The following TEK variants were observed in gnomAD, a reference collection of about 807,000 sequenced individuals.
TEK encodes angiopoietin-1 receptor.
TEK carries 43 observed loss-of-function variants against 131.8 expected under a neutral mutation model. That is an observed-to-expected ratio of 0.33 (90% CI 0.26 to 0.42). The LOEUF is 0.42. TEK is among the 10% of genes least tolerant of loss of function. The pLI is 1.00. For missense variants in TEK, 1,162 were observed against 1,384.4 expected (o/e 0.84, Z 2.55); for synonymous variants, 580 against 491.6 (o/e 1.18, Z -2.38).
At chr9:27,228,784 C>T (rs554541430) in intron 22 of TEK, among the ~76,000 whole-genome samples, 2 of 152,060 alleles carry the variant, frequency 1.3e-5, no homozygotes, top group East Asian at 3.9e-4. Flanking sequence ...TCATCAAAAC[C>T]CAAGTGGTAA....
intron 22 of TEK, among the ~76,000 whole-genome samples, chr9:27,228,767 G>GAAAT (rs1826437950): frequency 6.6e-6 from 1 of 152,120 alleles, no homozygotes; most frequent in Admixed American, 6.6e-5. Context: ...ACAGTTTAAA[G>GAAAT]AAATAGTCAT....
Position 27,173,343 on chromosome 9 carries a change from G to C in TEK, c.882G>C (p.Lys294Asn), listed in dbSNP as rs146169480. The C allele has an allele frequency of 2.3e-4, 375 of 1,613,864 alleles. No homozygotes were observed. The highest frequency in any genetic ancestry group is 3.0e-4 in the Non-Finnish European group (358 of 1,179,912). The part of the protein sequence containing the change: ...PYGCSCATGW[K>N]GLQCNEACHP... ...GGTGTTCCTGTGCCACAGGCTGGAAGGGTCTGCAGTGCAATGAAGGTATGC... is the reference window on the plus strand; with the variant it reads ...GGTGTTCCTGTGCCACAGGCTGGAACGGTCTGCAGTGCAATGAAGGTATGC... Residue 294 changes from lysine (K) to asparagine (N), a missense_variant, in exon 6 of 23, where the codon AAG (lysine) becomes AAC (asparagine). Around this residue, in one of 6 missense-constraint regions of TEK, gnomAD observed 436 missense variants for 539.1 expected, o/e 0.81. Transcript: ENST00000380036.
intron 11 of TEK, among the ~76,000 whole-genome samples, chr9:27,196,681 C>T (rs1825023109): frequency 6.6e-6 from 1 of 151,272 alleles, no homozygotes; most frequent in African/African-American, 2.4e-5. Flanking sequence ...AGCTTTTACT[C>T]ATGGCAGAAG....
intron 1 of TEK, among the ~76,000 whole-genome samples, chr9:27,130,626 CTTTTTT>C (rs571794271): frequency 8.2e-6 from 1 of 121,850 alleles, no homozygotes; most frequent in Non-Finnish European, 1.7e-5. Context: ...GATTAAAGTA[CTTTTTT>C]TTTTTTTTTT....
chr9:27,146,680 T>C (rs1333224539), intron 1 of TEK, among the ~76,000 whole-genome samples: 1 of 151,694 alleles, frequency 6.6e-6, no homozygotes, highest in African/African-American at 2.4e-5. Flanking sequence ...GCTTCCAGTT[T>C]GGGGTGATTA....
At chr9:27,143,214 T>C (rs1043915623) in intron 1 of TEK, among the ~76,000 whole-genome samples, 2 of 152,264 alleles carry the variant, frequency 1.3e-5, no homozygotes, top group Non-Finnish European at 2.9e-5. Context: ...TGATTGAAAC[T>C]AGAGAGAGCA....
chr9:27,174,296 G>T (rs939045986), intron 6 of TEK, among the ~76,000 whole-genome samples: 2 of 152,104 alleles, frequency 1.3e-5, no homozygotes, highest in Admixed American at 1.3e-4. Flanking sequence ...CGGCACTAAA[G>T]GTAGCTACGA....
At chr9:27,182,787 A>G (rs1456916649) in intron 7 of TEK, among the ~76,000 whole-genome samples, 1 of 152,188 alleles carries the variant, frequency 6.6e-6, no homozygotes. Flanking sequence ...TCCTGACACC[A>G]TTACCTTTAT....
At position 27,190,546 on chromosome 9, in the gene TEK, A is replaced by T; in HGVS notation, c.1345A>T (p.Asn449Tyr). ...GTATTTAGTTCTTCCAAAGCCCCTG[A>T]ATGCCCCAAACGTGATTGACACTGG... ...ISVKVLPKPL[N>Y]APNVIDTGHN... The change falls in exon 10 of 23, where the codon AAT (asparagine) becomes TAT (tyrosine). Residue 449 changes from asparagine (N) to tyrosine (Y), a missense_variant. Around this residue, in one of 6 missense-constraint regions of TEK, gnomAD observed 477 missense variants for 471.0 expected, o/e 1.01. Coordinates refer to ENST00000380036, the MANE Select transcript of TEK (RefSeq NM_000459.5). 1.2e-6 allele frequency: 2 copies of T among 1,614,052 alleles called. No homozygotes were observed. Among genetic ancestry groups the T allele is most frequent in the Non-Finnish European group, 1.7e-6 (2 of 1,179,898 alleles).
At chr9:27,202,689 T>C (rs1048829780) in intron 12 of TEK, 131 bp from the exon 13 acceptor site, 5 of 926,564 alleles carry the variant, frequency 5.4e-6, no homozygotes, top group Admixed American at 2.1e-5. Context: ...CCACTACCAA[T>C]TGATTGGGGT....
At position 27,192,518 on chromosome 9, in the gene TEK, T is replaced by C; in HGVS notation, c.1519T>C (p.Leu507=). 6.2e-7 allele frequency: 1 copy of C among 1,614,024 alleles called. No individual in the cohort carries two copies. Among genetic ancestry groups the C allele is most frequent in the Non-Finnish European group, 8.5e-7 (1 of 1,179,952 alleles). Residue 507 remains leucine, a synonymous_variant, in exon 11 of 23, where the codon TTG becomes CTG. Transcript: ENST00000380036. ...AAATGAGATTGTTACACTCAACTAT[T>C]TGGAACCTCGGACAGAATATGAACT... ...VTNEIVTLNY[L]EPRTEYELCV... is the part of the protein sequence containing the mutation.
Position 27,169,613 on chromosome 9 carries a change from C to T in TEK, c.612C>T (p.Thr204=), listed in dbSNP as rs769839768. 8.1e-6 allele frequency: 13 copies of T among 1,614,094 alleles called. No homozygotes were observed. The highest frequency in any genetic ancestry group is 2.2e-5 in the East Asian group (1 of 44,888). The change falls in exon 4 of 23, where the codon ACC becomes ACT. Residue 204 remains threonine (T), a synonymous_variant. Coordinates refer to ENST00000380036, the MANE Select transcript of TEK (RefSeq NM_000459.5). ...GAAACCTCTTCACCTCGGCCTTCACCAGGCTGATAGTCCGGAGTAAGTGAT... is the reference window on the plus strand; with the variant it reads ...GAAACCTCTTCACCTCGGCCTTCACTAGGCTGATAGTCCGGAGTAAGTGAT... ...IGGNLFTSAF[T]RLIVRRCEAQ...
intron 1 of TEK, among the ~76,000 whole-genome samples, chr9:27,127,899 G>A (rs115409467): frequency 0.01 from 1,523 of 152,256 alleles, 23 homozygotes; most frequent in African/African-American, 0.035. Flanking sequence ...AGGATAGATT[G>A]CAAAATTTTA....
intron 11 of TEK, among the ~76,000 whole-genome samples, chr9:27,197,041 T>C (rs1487991506): frequency 8.7e-6 from 1 of 115,424 alleles, no homozygotes; most frequent in Admixed American, 1.2e-4. Context: ...AATGAGAACA[T>C]ATGGAAACAG....
At chr9:27,179,677 T>G (rs1053871811) in intron 6 of TEK, among the ~76,000 whole-genome samples, 5 of 152,182 alleles carry the variant, frequency 3.3e-5, no homozygotes, top group African/African-American at 1.2e-4. Flanking sequence ...TATCTTTAGC[T>G]GGGCTGCTTT....
chr9:27,215,839 C>T (rs1825805316), intron 18 of TEK, among the ~76,000 whole-genome samples: 1 of 152,030 alleles, frequency 6.6e-6, no homozygotes, highest in South Asian at 2.1e-4. Context: ...TACGGGAACA[C>T]AAAGAAGGTG....
At chr9:27,148,151 G>T (rs1031206279) in intron 1 of TEK, among the ~76,000 whole-genome samples, 1 of 152,164 alleles carries the variant, frequency 6.6e-6, no homozygotes, top group Non-Finnish European at 1.5e-5. Context: ...TAGATATTGC[G>T]AGCACGTCCT....
chr9:27,193,625 T>G lies in TEK; in HGVS notation c.1624+1002T>G, dbSNP rs564938104. ...TCCTGGTTCTTTGAATTGTTCACTG[T>G]GTATAACCATTCTGTTACTCTCTCT... is the stretch of plus-strand genomic sequence containing the variant. On this transcript the variant is annotated intron_variant, in intron 11 of 22. Transcript: ENST00000380036. 9.8e-5 allele frequency among the ~76,000 whole-genome samples: 15 copies of G among 152,336 alleles called. No individual in the cohort carries two copies. The South Asian group carries it at 3.1e-3, about 32-fold the overall frequency.
chr9:27,150,756 T>A (rs910138199), intron 1 of TEK, among the ~76,000 whole-genome samples: 1 of 152,172 alleles, frequency 6.6e-6, no homozygotes, highest in Non-Finnish European at 1.5e-5. Flanking sequence ...TTCAGTAAAG[T>A]CTCGTTGTGT....
Sources: allele counts gnomAD v4.1 joint callset (sites outside exome capture counted in the v4.1 genomes callset), GRCh38; gene constraint gnomAD v4.1.1; regional missense constraint gnomAD v4.1.1; transcripts MANE v1.5; gene names NCBI Gene and HGNC (gene_info 2026-07-23, HGNC 2026-07-21).